DAB2: variants seen among roughly 807,000 people sequenced by gnomAD.
DAB2 encodes the protein disabled homolog 2.
In DAB2, 28 loss-of-function variants were observed where a neutral mutation model predicts 71.6. That is an observed-to-expected ratio of 0.39 (90% CI 0.29 to 0.54). The LOEUF is 0.54. DAB2 is among the 20% of genes least tolerant of loss of function. The pLI is 0.68. For synonymous variants in DAB2, 345 were observed against 339.7 expected (o/e 1.02, Z -0.17); for missense variants, 867 against 928.8 (o/e 0.93, Z 0.86).
chr5:39,394,128 A>G, intron 2 of DAB2, 102 bp downstream of exon 2: 1 of 914,816 alleles, frequency 1.1e-6, no homozygotes, highest in South Asian at 1.5e-5. Flanking sequence ...CTGAGGTTGA[A>G]GGAAGATCAG....
At chr5:39,381,754 A>T in intron 10 of DAB2, 138 bp from the exon 11 acceptor site, 9 of 792,134 alleles carry the variant, frequency 1.1e-5, no homozygotes, top group East Asian at 2.6e-5. Context: ...GAACAACAAC[A>T]ACTACTACTA....
At chr5:39,411,022 A>G (rs1755717312) in intron 1 of DAB2, among the ~76,000 whole-genome samples, 1 of 152,106 alleles carries the variant, frequency 6.6e-6, no homozygotes, top group Non-Finnish European at 1.5e-5. Flanking sequence ...GAGTAAGCAG[A>G]TGGGATAAGG....
At position 39,381,540 on chromosome 5, in the gene DAB2, G is replaced by T. The variant is rs952818518; in HGVS notation, c.1418C>A (p.Thr473Lys). Residue 473 changes from threonine to lysine, a missense_variant, in exon 11 of 15, where the codon ACA (threonine) becomes AAA (lysine). Transcript: ENST00000320816. Reference sequence around the variant, plus strand: ...GGGCTGCAGGGCTGTAGGTTGTCCTGTGGGTGACGCCTGGCCTGAAGGTTC... The same window carrying T: ...GGGCTGCAGGGCTGTAGGTTGTCCTTTGGGTGACGCCTGGCCTGAAGGTTC... ...VSEPSGQASP[T>K]GQPTALQPNP... 6.2e-7 allele frequency: 1 copy of T among 1,614,022 alleles called. No individual in the cohort carries two copies. Among genetic ancestry groups the T allele is most frequent in the African/African-American group, 1.3e-5 (1 of 74,924 alleles).
At chr5:39,375,494 A>G (rs1561363794) in intron 13 of DAB2, among the ~76,000 whole-genome samples, 2 of 152,224 alleles carry the variant, frequency 1.3e-5, no homozygotes, top group Non-Finnish European at 2.9e-5. Flanking sequence ...TCAGAAGATA[A>G]TAGTTCTTGT....
chr5:39,393,576 T>C (rs1421807563), intron 2 of DAB2, among the ~76,000 whole-genome samples, 183 bp from the exon 3 acceptor site: 1 of 152,148 alleles, frequency 6.6e-6, no homozygotes, highest in Admixed American at 6.5e-5. Context: ...CAATCAACTG[T>C]GTATGGAGTT....
intron 1 of DAB2, chr5:39,418,044 T>A (rs1195370060): frequency 1.3e-5 from 2 of 152,254 alleles, no homozygotes; most frequent in South Asian, 4.1e-4. Flanking sequence ...TGCATTTAAG[T>A]CGCTTAATTT....
At chr5:39,386,627 T>C (rs1288540399) in intron 9 of DAB2, among the ~76,000 whole-genome samples, 6 of 152,204 alleles carry the variant, frequency 3.9e-5, no homozygotes, top group Admixed American at 3.9e-4. Flanking sequence ...TAAAGTCTAA[T>C]AAAAATGAGA....
At chr5:39,406,513 C>T (rs1415057599) in intron 1 of DAB2, among the ~76,000 whole-genome samples, 2 of 152,210 alleles carry the variant, frequency 1.3e-5, no homozygotes, top group African/African-American at 4.8e-5. Flanking sequence ...GAAGACTTCA[C>T]ACCATGGTGA....
rs1286700743 is a variant in DAB2 at position 39,422,704 on chromosome 5, CA to C, written c.-102+2099del. Among the ~76,000 whole-genome samples the C allele has an allele frequency of 6.6e-6, 1 of 152,076 alleles. No individual in the cohort carries two copies. Among genetic ancestry groups the C allele is most frequent in the East Asian group, 1.9e-4 (1 of 5,182 alleles). On this transcript the variant is annotated intron_variant, in intron 1 of 14. Transcript: ENST00000320816. The surrounding 1 kb of genome is among the most constrained non-coding windows in gnomAD (Gnocchi z 4.1). ...TGAGCAGGCCAGTAAATATCATCCC[CA>C]AACAGCTGGTCAGCAGCTGCCAGAG...
intron 1 of DAB2, among the ~76,000 whole-genome samples, chr5:39,394,951 G>A (rs771286508): frequency 5.3e-5 from 8 of 152,134 alleles, no homozygotes; most frequent in Non-Finnish European, 8.8e-5. Flanking sequence ...GATCCCCAGG[G>A]TTATCCAAGC....
In DAB2 at chr5:39,382,834, C is replaced by G. The variant is rs1186001705; in HGVS notation, c.1125G>C (p.Val375=). 7 of 1,614,162 alleles carry G rather than the reference C, an allele frequency of 4.3e-6. No individual in the cohort carries two copies. Among genetic ancestry groups the G allele is most frequent in the Non-Finnish European group, 5.9e-6 (7 of 1,180,030 alleles). The change falls in exon 10 of 15, where the codon GTG becomes GTC. Residue 375 remains valine, a synonymous_variant. Transcript: ENST00000320816. ...TTTCAGATACCCCATTTTGAGTTCT[C>G]ACTGCTGGCTGGGTTTGCGAACTTG... The part of the protein sequence containing the change: ...PFSSSQTQPA[V]RTQNGVSERE...
intron 12 of DAB2, 85 bp downstream of exon 12, chr5:39,376,565 G>A (rs1754836024): frequency 4.0e-6 from 6 of 1,489,582 alleles, no homozygotes; most frequent in Non-Finnish European, 4.6e-6. Context: ...GCGGGTGGGA[G>A]AGGGTTCATT....
chr5:39,414,326 A>G (rs1561380495), intron 1 of DAB2, among the ~76,000 whole-genome samples: 3 of 152,172 alleles, frequency 2.0e-5, no homozygotes, highest in Non-Finnish European at 4.4e-5. Context: ...AATTGTGTTA[A>G]GTCAAAGCAA....
chr5:39,402,948 A>T (rs542895607), intron 1 of DAB2, among the ~76,000 whole-genome samples: 1 of 152,344 alleles, frequency 6.6e-6, no homozygotes, highest in East Asian at 1.9e-4. Flanking sequence ...TCTGCTTCAC[A>T]TCATCTGGGA....
At chr5:39,423,392 A>G (rs1756032656) in intron 1 of DAB2, among the ~76,000 whole-genome samples, 1 of 152,296 alleles carries the variant, frequency 6.6e-6, no homozygotes, top group African/African-American at 2.4e-5. Flanking sequence ...ACTGAGGGCC[A>G]TCTCCCTTCC....
rs1474009981 is a variant in DAB2 at position 39,381,621 on chromosome 5, C to A, written c.1342-5G>T. On this transcript the variant is annotated splice_region_variant and splice_polypyrimidine_tract_variant and intron_variant, in intron 10 of 14. Coordinates refer to ENST00000320816, the MANE Select transcript of DAB2 (RefSeq NM_001343.4). Reference sequence around the variant, plus strand: ...AAGCAAGTCATTGGCTGAAGACTGACAGGACAGGGAGGGAGGGAGAAGCCT... The same window carrying A: ...AAGCAAGTCATTGGCTGAAGACTGAAAGGACAGGGAGGGAGGGAGAAGCCT... 6 of 1,613,798 alleles carry A rather than the reference C, an allele frequency of 3.7e-6. No individual in the cohort carries two copies. The highest frequency in any genetic ancestry group is 5.1e-6 in the Non-Finnish European group (6 of 1,179,858).
chr5:39,374,991 G>A, intron 14 of DAB2, 23 bp downstream of exon 14: 1 of 1,496,066 alleles, frequency 6.7e-7, no homozygotes, highest in Middle Eastern at 1.7e-4. Context: ...CCTGAGACAG[G>A]CTTATTAGGA....
intron 1 of DAB2, among the ~76,000 whole-genome samples, chr5:39,395,177 C>T (rs374590038): frequency 7.9e-5 from 12 of 152,064 alleles, no homozygotes; most frequent in East Asian, 5.8e-4. Flanking sequence ...ATTGTAACCA[C>T]GCAGAAGTGA....
chr5:39,387,160 G>A (rs1178470140), intron 9 of DAB2, among the ~76,000 whole-genome samples: 9 of 152,156 alleles, frequency 5.9e-5, no homozygotes, highest in Admixed American at 1.3e-4. Context: ...GTTTTATGCA[G>A]TAAGGATTCA....
Sources: gnomAD v4.1 joint callset for allele counts (sites outside exome capture counted in the v4.1 genomes callset) on GRCh38, gnomAD v4.1.1 for gene constraint, Gnocchi (gnomAD v3.1) non-coding constraint, MANE v1.5 for transcripts, NCBI Gene and HGNC (gene_info 2026-07-23, HGNC 2026-07-21) for gene names.